Variants in AFF3 observed in about 807,000 individuals in gnomAD.
The protein encoded by AFF3 is AF4/FMR2 family member 3.
AFF3 carries 32 observed loss-of-function variants against 129.7 expected under a neutral mutation model. The ratio of observed to expected loss-of-function variants is 0.25; its 90% confidence interval spans 0.19 to 0.33. The LOEUF is 0.33. Among genes scored for constraint, AFF3 ranks in the 10% least tolerant of loss-of-function variants. The probability of loss-of-function intolerance (pLI) is 1.00; values close to 1 mark genes in which losing one functional copy is unlikely to be tolerated. For synonymous variants in AFF3, 644 were observed against 635.4 expected (o/e 1.01, Z -0.20); for missense variants, 1,373 against 1,592.0 (o/e 0.86, Z 2.34).
At chr2:99,746,319 T>C in intron 9 of AFF3, among the ~76,000 whole-genome samples, 1 of 66,010 alleles carries the variant, frequency 1.5e-5, no homozygotes, top group East Asian at 1.3e-3. Flanking sequence ...TCCACGAGTA[T>C]AGCTGTTATG....
chr2:99,594,028 C>A lies in AFF3; in HGVS notation c.1633G>T (p.Val545Leu). 1 of 1,598,758 alleles carries A rather than the reference C, an allele frequency of 6.3e-7. No individual in the cohort carries two copies. ...GCCGCGGGCGGGGACTTCTGCTTCA[C>A]GCCTTTACTCCCAGGGGCCTTGTTG... ...TANKAPGSKGVKQKSPPAAVA... is the reference protein window; with the variant it reads ...TANKAPGSKGLKQKSPPAAVA... Residue 545 changes from valine to leucine, a missense_variant, in exon 15 of 25, where the codon GTG becomes TTG. Coordinates refer to ENST00000672756, the MANE Select transcript of AFF3 (RefSeq NM_001386135.1).
At chr2:100,038,678 A>G (rs1215721800) in intron 4 of AFF3, among the ~76,000 whole-genome samples, 1 of 151,514 alleles carries the variant, frequency 6.6e-6, no homozygotes, top group Non-Finnish European at 1.5e-5. Context: ...TTTAATTTGT[A>G]TCTAAGGGTC....
chr2:99,565,330 C>A (rs1457122449), intron 20 of AFF3, among the ~76,000 whole-genome samples, 157 bp downstream of exon 20: 3 of 152,028 alleles, frequency 2.0e-5, no homozygotes, highest in Non-Finnish European at 4.4e-5. Flanking sequence ...CAGGGTGTGC[C>A]AAGACGCCTT....
intron 18 of AFF3, chr2:99,572,569 C>A: frequency 2.2e-6 from 1 of 455,290 alleles, no homozygotes. Context: ...ACAAGTTCCT[C>A]GGCGCGGCAG....
At chr2:99,964,621 G>A (rs1677559168) in intron 7 of AFF3, among the ~76,000 whole-genome samples, 1 of 152,080 alleles carries the variant, frequency 6.6e-6, no homozygotes. Context: ...ATGCTGAGCG[G>A]GGAATTTACA....
intron 7 of AFF3, among the ~76,000 whole-genome samples, chr2:99,844,969 A>T (rs1302072872): frequency 6.6e-6 from 1 of 152,154 alleles, no homozygotes; most frequent in Non-Finnish European, 1.5e-5. Flanking sequence ...TAAAAAAAAA[A>T]AGACTATTTA....
Position 99,601,589 on chromosome 2 carries a change from G to A in AFF3, c.1217C>T (p.Ser406Leu), listed in dbSNP as rs1483457558. ...AVVQQPNCRT[S>L]VPSSKGSSSS... ...GCTGCTGCCCTTGCTGGAAGGCACC[G>A]AGGTTCTGCAGTTGGGCTGCTGGAC... The change falls in exon 14 of 25, where the codon TCG becomes TTG. Residue 406 changes from serine (S) to leucine (L), a missense_variant. Ser to Leu is a moderately radical substitution (Grantham distance 145, BLOSUM62 -2). Coordinates refer to ENST00000672756, the MANE Select transcript of AFF3 (RefSeq NM_001386135.1). 7 of 1,598,662 alleles carry A rather than the reference G, an allele frequency of 4.4e-6. No homozygotes were observed. The highest frequency in any genetic ancestry group is 4.5e-5 in the East Asian group (2 of 44,622).
At chr2:99,808,017 A>G (rs567053050) in intron 8 of AFF3, among the ~76,000 whole-genome samples, 94 of 151,836 alleles carry the variant, frequency 6.2e-4, no homozygotes, top group Non-Finnish European at 1.1e-3. Flanking sequence ...CCATCACCAT[A>G]GGGTAGGAAT....
chr2:99,740,883 A>G (rs199639361), intron 10 of AFF3, among the ~76,000 whole-genome samples: 1 of 152,190 alleles, frequency 6.6e-6, no homozygotes, highest in East Asian at 1.9e-4. Flanking sequence ...GCCAATGCCT[A>G]TGTCCTGAAT....
At chr2:99,604,065 G>A (rs1006041060) in intron 13 of AFF3, among the ~76,000 whole-genome samples, 6 of 152,098 alleles carry the variant, frequency 3.9e-5, no homozygotes, top group Admixed American at 1.3e-4. Flanking sequence ...ACAGTGTGGC[G>A]ATTCCTCAAA....
chr2:99,932,593 A>G (rs2106306849), intron 7 of AFF3, among the ~76,000 whole-genome samples: 1 of 152,328 alleles, frequency 6.6e-6, no homozygotes, highest in Non-Finnish European at 1.5e-5. Context: ...TCCTTCGCTC[A>G]GGGAGGTGTT....
chr2:99,545,543 A>C lies in AFF3; in HGVS notation c.*5931T>G, dbSNP rs1185350092. On this transcript the variant is annotated 3_prime_UTR_variant, in exon 25 of 25. Transcript: ENST00000672756. The stretch of plus-strand genomic sequence containing the variant: ...GCTTTCCTATTTTAAAAATGGGTAA[A>C]AAAAACAAAACAAAACAAAACCCAA... The C allele has an allele frequency of 6.6e-6, 1 of 152,380 alleles. No individual in the cohort carries two copies. The allele number at this position is 152,380 out of a possible 1,614,324, so 9.4% of individuals were successfully genotyped here. A position where few individuals can be genotyped will look rare whatever the true frequency, so the allele number is the denominator to read the frequency against.
At chr2:99,979,292 T>G (rs1366663996) in intron 7 of AFF3, among the ~76,000 whole-genome samples, 4 of 152,048 alleles carry the variant, frequency 2.6e-5, no homozygotes, top group African/African-American at 9.7e-5. Flanking sequence ...CTCATCTTAG[T>G]GAGAGGCAGC....
At chr2:99,864,282 C>T (rs1484862886) in intron 7 of AFF3, among the ~76,000 whole-genome samples, 1 of 152,174 alleles carries the variant, frequency 6.6e-6, no homozygotes, top group Non-Finnish European at 1.5e-5. Context: ...GGTGGACCTC[C>T]ATTCTGGGTC....
At chr2:99,563,047 G>A (rs955827721) in intron 20 of AFF3, among the ~76,000 whole-genome samples, 51 of 151,794 alleles carry the variant, frequency 3.4e-4, no homozygotes, top group Admixed American at 2.5e-3. Flanking sequence ...AATTCTGCCC[G>A]TAGGGACAAA....
At chr2:99,744,732 C>T (rs1051391760) in intron 9 of AFF3, among the ~76,000 whole-genome samples, 1 of 152,102 alleles carries the variant, frequency 6.6e-6, no homozygotes, top group Admixed American at 6.6e-5. Flanking sequence ...CTTTTTATGG[C>T]TGAATAATAT....
Position 99,551,573 on chromosome 2 carries a change from C to T in AFF3, c.3582G>A (p.Leu1194=), listed in dbSNP as rs144420168. Residue 1194 remains leucine, a synonymous_variant, in exon 25 of 25, where the codon CTG becomes CTA. Transcript: ENST00000672756. ...TGTGCAGGGTGACCGGCCCCATGAG[C>T]AGATCCAGGTCGTTGAAGAATTCTA... ...ENREFFNDLD[L]LMGPVTLHSS... is the part of the protein sequence containing the mutation. 4.5e-5 allele frequency: 72 copies of T among 1,614,024 alleles called. No individual in the cohort carries two copies. The highest frequency in any genetic ancestry group is 5.5e-5 in the Non-Finnish European group (65 of 1,180,036).
Position 99,887,374 on chromosome 2 carries a change from GAC to G in AFF3, c.874-49852_874-49851del, listed in dbSNP as rs1693191560. 4.6e-5 allele frequency among the ~76,000 whole-genome samples: 7 copies of G among 152,296 alleles called. 1 individual carries two copies. In the South Asian group the frequency reaches 1.2e-3, roughly 27 times the overall value. On this transcript the variant is annotated intron_variant, in intron 7 of 24. Transcript: ENST00000672756. ...ATTAGAATCATCTTTCAGCAAGAAA[GAC>G]AATAAATTCTAAGACCCTTAGCCTT...
Position 99,747,020 on chromosome 2 carries a change from A to AT in AFF3, c.1003-2881dup, listed in dbSNP as rs551311949. ...AAGACTGTTAACACAAAATATAATT[A>AT]TTTTATTTACTTATTTATTTATTTA... is the stretch of plus-strand genomic sequence containing the variant. On this transcript the variant is annotated intron_variant, in intron 9 of 24. Coordinates refer to ENST00000672756, the MANE Select transcript of AFF3 (RefSeq NM_001386135.1). Among the ~76,000 whole-genome samples, 48 of 151,670 alleles carry AT rather than the reference A, an allele frequency of 3.2e-4. No homozygotes were observed. In the East Asian group the frequency reaches 9.3e-3, roughly 29 times the overall value.
Sources: gnomAD v4.1 joint callset for allele counts (sites outside exome capture counted in the v4.1 genomes callset) on GRCh38, gnomAD v4.1.1 for gene constraint, MANE v1.5 for transcripts, NCBI Gene and HGNC (gene_info 2026-07-23, HGNC 2026-07-21) for gene names.